Variants in ZNF830 observed in about 807,000 individuals in gnomAD.
ZNF830 encodes the protein zinc finger protein 830.
ZNF830 carries 15 observed loss-of-function variants against 28.1 expected under a neutral mutation model. The observed-to-expected ratio is 0.53, with a 90% confidence interval of 0.36 to 0.82. The LOEUF (loss-of-function observed/expected upper bound fraction) is 0.82. Among genes scored for constraint, ZNF830 ranks in the 40% least tolerant of loss-of-function variants. The pLI is 0.01. For missense variants in ZNF830, 456 were observed against 467.7 expected (o/e 0.97, Z 0.23); for synonymous variants, 208 against 185.3 (o/e 1.12, Z -0.99).
chr17:34,961,953 T>C lies in ZNF830; in HGVS notation c.387T>C (p.Ser129=). ...TGCCTCAGGTACAGCCCTCCACATC[T>C]GCGTGGACCACCAACTTTGACAAAA... ...TLVPQVQPST[S]AWTTNFDKIG... The change falls in exon 1 of 1, where the codon TCT becomes TCC. Residue 129 remains serine, a synonymous_variant. Coordinates refer to ENST00000361952, the MANE Select transcript of ZNF830 (RefSeq NM_052857.4). The C allele has an allele frequency of 6.2e-7, 1 of 1,614,160 alleles. No homozygotes were observed. The highest frequency in any genetic ancestry group is 1.1e-5 in the South Asian group (1 of 91,086).
chr17:34,962,216 C>G lies in ZNF830; in HGVS notation c.650C>G (p.Ala217Gly). The change falls in exon 1 of 1, where the codon GCC becomes GGC. Residue 217 changes from alanine to glycine, a missense_variant. Physicochemically the swap from Ala to Gly is moderately conservative, Grantham distance 60 (BLOSUM62 0). Around this residue, in one of 2 missense-constraint regions of ZNF830, gnomAD observed 331 missense variants for 290.1 expected, o/e 1.14. Transcript: ENST00000361952. ...NDFFSTNPPK[A>G]PIIPHSGSIE... ...TTCTTTAGTACTAATCCTCCCAAGG[C>G]CCCCATAATTCCTCATTCAGGGTCA... is the stretch of plus-strand genomic sequence containing the variant. The G allele has an allele frequency of 6.2e-7, 1 of 1,613,936 alleles. No individual in the cohort carries two copies. Among genetic ancestry groups the G allele is most frequent in the South Asian group, 1.1e-5 (1 of 91,080 alleles).
In ZNF830 at chr17:34,962,604, A is replaced by G. The variant is rs2090433306; in HGVS notation, c.1038A>G (p.Glu346=). Residue 346 remains glutamate (E), a synonymous_variant, in exon 1 of 1, where the codon GAA becomes GAG. Transcript: ENST00000361952. ...TAAAAGAACTGCAGAAAAAGGAAGA[A>G]GAGAATGCTGACAGCGATGATGAGG... ...LTIKELQKKE[E]ENADSDDEGE... 6.2e-7 allele frequency: 1 copy of G among 1,613,620 alleles called. No homozygotes were observed. The highest frequency in any genetic ancestry group is 8.5e-7 in the Non-Finnish European group (1 of 1,179,972).
Position 34,962,726 on chromosome 17 carries a change from T to A in ZNF830, c.*41T>A. The A allele has an allele frequency of 6.5e-7, 1 of 1,534,584 alleles. No individual in the cohort carries two copies. Among genetic ancestry groups the A allele is most frequent in the South Asian group, 1.3e-5 (1 of 75,068 alleles). On this transcript the variant is annotated 3_prime_UTR_variant, in exon 1 of 1. Transcript: ENST00000361952. Reference sequence around the variant, plus strand: ...AGGTTTCTAACAGCCTCTGCTGTTGTATAAAAAGTGCTGTCTCTCAGTAGT... The same window carrying A: ...AGGTTTCTAACAGCCTCTGCTGTTGAATAAAAAGTGCTGTCTCTCAGTAGT...
rs931196 is a variant in ZNF830 at position 34,961,863 on chromosome 17, T to G, written c.297T>G (p.His99Gln). The change falls in exon 1 of 1, where the codon CAT becomes CAG. Residue 99 changes from histidine (H) to glutamine (Q), a missense_variant. His to Gln is a conservative substitution (Grantham distance 24, BLOSUM62 0). Transcript: ENST00000361952. ...GTTCGTCCGCCAGTTCAGCGCCTCA[T>G]TCCGTCAAGAGGAAAGCGCCGGACG... Reference protein sequence around the residue: ...SQGSSASSAPHSVKRKAPDAD... With the variant: ...SQGSSASSAPQSVKRKAPDAD... 0.96 allele frequency: 1,550,452 copies of G among 1,613,946 alleles called. 747,673 individuals carry two copies. Among genetic ancestry groups the G allele is most frequent in the Non-Finnish European group, 0.98 (1,157,186 of 1,180,020 alleles).
chr17:34,962,413 C>A lies in ZNF830; in HGVS notation c.847C>A (p.Gln283Lys), dbSNP rs780113446. 2 of 1,613,986 alleles carry A rather than the reference C, an allele frequency of 1.2e-6. No homozygotes were observed. Among genetic ancestry groups the A allele is most frequent in the South Asian group, 2.2e-5 (2 of 91,086 alleles). Reference protein sequence around the residue: ...EWDEFQKAMRQVNTISEAIVA... With the variant: ...EWDEFQKAMRKVNTISEAIVA... ...GGACGAATTCCAAAAAGCCATGAGG[C>A]AGGTCAACACTATTTCCGAAGCCAT... The change falls in exon 1 of 1, where the codon CAG (glutamine) becomes AAG (lysine). Residue 283 changes from glutamine (Q) to lysine (K), a missense_variant. Around this residue, in one of 2 missense-constraint regions of ZNF830, gnomAD observed 125 missense variants for 177.7 expected, o/e 0.70. Coordinates refer to ENST00000361952, the MANE Select transcript of ZNF830 (RefSeq NM_052857.4).
rs1227665722 is a variant in ZNF830 at position 34,961,788 on chromosome 17, G to A, written c.222G>A (p.Gln74=). Residue 74 remains glutamine (Q), a synonymous_variant, in exon 1 of 1, where the codon CAG becomes CAA. Coordinates refer to ENST00000361952, the MANE Select transcript of ZNF830 (RefSeq NM_052857.4). ...LLWQTHVLGK[Q]HREKVAELKG... ...GGCAGACTCACGTCCTGGGAAAGCA[G>A]CACCGAGAGAAAGTGGCCGAGCTGA... is the stretch of plus-strand genomic sequence containing the variant. The A allele has an allele frequency of 6.2e-7, 1 of 1,614,052 alleles. No individual in the cohort carries two copies. Among genetic ancestry groups the A allele is most frequent in the South Asian group, 1.1e-5 (1 of 91,078 alleles).
At position 34,962,158 on chromosome 17, in the gene ZNF830, C is replaced by A; in HGVS notation, c.592C>A (p.Arg198=). The A allele has an allele frequency of 6.2e-7, 1 of 1,614,130 alleles. No homozygotes were observed. Among genetic ancestry groups the A allele is most frequent in the Non-Finnish European group, 8.5e-7 (1 of 1,180,034 alleles). The part of the protein sequence containing the change: ...QGKEHSVSSS[R]EVTSSVLPND... The stretch of plus-strand genomic sequence containing the variant: ...CAAGGAGCACTCAGTTTCCTCTTCA[C>A]GGGAGGTAACAAGTAGTGTGCTGCC... The change falls in exon 1 of 1, where the codon CGG becomes AGG. Residue 198 remains arginine (R), a synonymous_variant. Transcript: ENST00000361952.
chr17:34,962,478 G>C lies in ZNF830; in HGVS notation c.912G>C (p.Gln304His), dbSNP rs200903405. 2 of 1,614,232 alleles carry C rather than the reference G, an allele frequency of 1.2e-6. No homozygotes were observed. The highest frequency in any genetic ancestry group is 3.3e-5 in the Admixed American group (2 of 60,024). Residue 304 changes from glutamine (Q) to histidine (H), a missense_variant, in exon 1 of 1, where the codon CAG (glutamine) becomes CAC (histidine). By Grantham distance (24) the Gln-to-His change is conservative (BLOSUM62 0). Coordinates refer to ENST00000361952, the MANE Select transcript of ZNF830 (RefSeq NM_052857.4). ...EEDEEGRLDR[Q>H]IGEIDEQIEC... ...ATGAGGAGGGACGGTTGGACCGCCA[G>C]ATTGGGGAGATCGATGAGCAGATAG...
Position 34,962,536 on chromosome 17 carries a change from CG to C in ZNF830, c.971del (p.Arg324ProfsTer5). Reference protein sequence around the residue: ...CYRRVEKLRNRQDEIKNKLKE... With the variant: ...CYRRVEKLRNXQDEIKNKLKE... The stretch of plus-strand genomic sequence containing the variant: ...CCGACGGGTGGAAAAGCTACGGAAT[CG>C]CCAGGATGAAATAAAAAATAAACTT... On this transcript the variant is annotated frameshift_variant, in exon 1 of 1. Coordinates refer to ENST00000361952, the MANE Select transcript of ZNF830 (RefSeq NM_052857.4). LOFTEE classifies it high-confidence loss of function. 6.2e-7 allele frequency: 1 copy of C among 1,613,886 alleles called. No individual in the cohort carries two copies. The highest frequency in any genetic ancestry group is 8.5e-7 in the Non-Finnish European group (1 of 1,180,012).
rs527994591 is a variant in ZNF830, at chr17:34,962,049, TGAGGAGGAGGAG to T, written c.486_497del (p.Glu167_Glu170del). On this transcript the variant is annotated inframe_deletion, in exon 1 of 1. Coordinates refer to ENST00000361952, the MANE Select transcript of ZNF830 (RefSeq NM_052857.4). ...TCAGTTTACTCCCCGATTATGAAGATGAGGAGGAGGAGGAAGAGGAGGAGGAAGGAGATGGAG... is the reference window on the plus strand; with the variant it reads ...TCAGTTTACTCCCCGATTATGAAGATGAAGAGGAGGAGGAAGGAGATGGAG... 3.8e-4 allele frequency: 617 copies of T among 1,612,986 alleles called. 2 individuals are homozygous for T. The African/African-American group carries it at 7.0e-3, about 18-fold the overall frequency.
chr17:34,962,490 C>T lies in ZNF830; in HGVS notation c.924C>T (p.Ile308=), dbSNP rs934546293. 6 of 1,613,930 alleles carry T rather than the reference C, an allele frequency of 3.7e-6. No homozygotes were observed. The highest frequency in any genetic ancestry group is 3.4e-6 in the Non-Finnish European group (4 of 1,179,982). Residue 308 remains isoleucine, a synonymous_variant, in exon 1 of 1, where the codon ATC becomes ATT. Transcript: ENST00000361952. The stretch of plus-strand genomic sequence containing the variant: ...GGTTGGACCGCCAGATTGGGGAGAT[C>T]GATGAGCAGATAGAGTGTTACCGAC... The part of the protein sequence containing the change: ...EGRLDRQIGE[I]DEQIECYRRV...
chr17:34,962,577 C>G lies in ZNF830; in HGVS notation c.1011C>G (p.Thr337=), dbSNP rs747640705. ...EIKNKLKEIL[T]IKELQKKEEE... ...AAAATAAACTTAAAGAAATCCTGAC[C>G]ATAAAAGAACTGCAGAAAAAGGAAG... Residue 337 remains threonine, a synonymous_variant, in exon 1 of 1, where the codon ACC becomes ACG. Coordinates refer to ENST00000361952, the MANE Select transcript of ZNF830 (RefSeq NM_052857.4). 6.2e-7 allele frequency: 1 copy of G among 1,613,764 alleles called. No homozygotes were observed. The highest frequency in any genetic ancestry group is 1.1e-5 in the South Asian group (1 of 91,034).
At position 34,962,905 on chromosome 17, in the gene ZNF830, C is replaced by T. The variant is rs2090435788; in HGVS notation, c.*220C>T. 5 of 643,582 alleles carry T rather than the reference C, an allele frequency of 7.8e-6. No homozygotes were observed. The highest frequency in any genetic ancestry group is 2.3e-6 in the Non-Finnish European group (1 of 427,362). The allele number at this position is 643,582 out of a possible 1,614,324, so 39.9% of individuals were successfully genotyped here. ...TTTGAAATTTCTGAAGTGTTATATA[C>T]CAAAATGCCAACATTTCCACGACAG... On this transcript the variant is annotated 3_prime_UTR_variant, in exon 1 of 1. Coordinates refer to ENST00000361952, the MANE Select transcript of ZNF830 (RefSeq NM_052857.4).
In ZNF830 at chr17:34,962,578, A is replaced by G. The variant is rs200413263; in HGVS notation, c.1012A>G (p.Ile338Val). The change falls in exon 1 of 1, where the codon ATA becomes GTA. Residue 338 changes from isoleucine to valine, a missense_variant. Ile to Val is a conservative substitution (Grantham distance 29). Coordinates refer to ENST00000361952, the MANE Select transcript of ZNF830 (RefSeq NM_052857.4). ...AAATAAACTTAAAGAAATCCTGACCATAAAAGAACTGCAGAAAAAGGAAGA... is the reference window on the plus strand; with the variant it reads ...AAATAAACTTAAAGAAATCCTGACCGTAAAAGAACTGCAGAAAAAGGAAGA... Reference protein sequence around the residue: ...IKNKLKEILTIKELQKKEEEN... With the variant: ...IKNKLKEILTVKELQKKEEEN... 6.2e-7 allele frequency: 1 copy of G among 1,613,966 alleles called. No individual in the cohort carries two copies. The highest frequency in any genetic ancestry group is 2.2e-5 in the East Asian group (1 of 44,880).
At position 34,961,974 on chromosome 17, in the gene ZNF830, C is replaced by G; in HGVS notation, c.408C>G (p.Asp136Glu). 1 of 1,614,102 alleles carries G rather than the reference C, an allele frequency of 6.2e-7. No individual in the cohort carries two copies. The highest frequency in any genetic ancestry group is 8.5e-7 in the Non-Finnish European group (1 of 1,180,036). ...CATCTGCGTGGACCACCAACTTTGA[C>G]AAAATAGGAAAGGAGTTCATTAGAG... ...PSTSAWTTNF[D>E]KIGKEFIRAT... is the part of the protein sequence containing the mutation. The change falls in exon 1 of 1, where the codon GAC (aspartate) becomes GAG (glutamate). Residue 136 changes from aspartate to glutamate, a missense_variant. Physicochemically the swap from Asp to Glu is conservative, Grantham distance 45. This residue lies in a region of ZNF830 where 331 missense variants were observed against 290.1 expected (regional missense o/e 1.14). Transcript: ENST00000361952.
chr17:34,962,634 A>T lies in ZNF830; in HGVS notation c.1068A>T (p.Glu356Asp). ...ATGCTGACAGCGATGATGAGGGGGAACTACAGGATTTGTTGTCTCAGGATT... is the reference window on the plus strand; with the variant it reads ...ATGCTGACAGCGATGATGAGGGGGATCTACAGGATTTGTTGTCTCAGGATT... Reference protein sequence around the residue: ...EENADSDDEGELQDLLSQDWR... With the variant: ...EENADSDDEGDLQDLLSQDWR... Residue 356 changes from glutamate (E) to aspartate (D), a missense_variant, in exon 1 of 1, where the codon GAA (glutamate) becomes GAT (aspartate). Around this residue, in one of 2 missense-constraint regions of ZNF830, gnomAD observed 125 missense variants for 177.7 expected, o/e 0.70. Coordinates refer to ENST00000361952, the MANE Select transcript of ZNF830 (RefSeq NM_052857.4). The T allele has an allele frequency of 6.2e-7, 1 of 1,611,914 alleles. No individual in the cohort carries two copies. The highest frequency in any genetic ancestry group is 8.5e-7 in the Non-Finnish European group (1 of 1,179,320).
Position 34,962,597 on chromosome 17 carries a change from A to G in ZNF830, c.1031A>G (p.Lys344Arg), listed in dbSNP as rs1050917119. ...EILTIKELQKKEEENADSDDE... is the reference protein window; with the variant it reads ...EILTIKELQKREEENADSDDE... Reference sequence around the variant, plus strand: ...CTGACCATAAAAGAACTGCAGAAAAAGGAAGAAGAGAATGCTGACAGCGAT... The same window carrying G: ...CTGACCATAAAAGAACTGCAGAAAAGGGAAGAAGAGAATGCTGACAGCGAT... The change falls in exon 1 of 1, where the codon AAG (lysine) becomes AGG (arginine). Residue 344 changes from lysine to arginine, a missense_variant. Lys to Arg is a conservative substitution (Grantham distance 26). Coordinates refer to ENST00000361952, the MANE Select transcript of ZNF830 (RefSeq NM_052857.4). The G allele has an allele frequency of 1.2e-6, 2 of 1,613,610 alleles. No individual in the cohort carries two copies. Among genetic ancestry groups the G allele is most frequent in the Non-Finnish European group, 1.7e-6 (2 of 1,179,930 alleles).
rs769797972 is a variant in ZNF830, at chr17:34,962,286, A to G, written c.720A>G (p.Glu240=). 3.1e-6 allele frequency: 5 copies of G among 1,613,912 alleles called. No individual in the cohort carries two copies. The Admixed American group carries it at 6.7e-5, about 22-fold the overall frequency. Residue 240 remains glutamate, a synonymous_variant, in exon 1 of 1, where the codon GAA becomes GAG. Transcript: ENST00000361952. ...EIHEKVVERR[E]NTAEALPEGF... ...ATGAAAAAGTGGTGGAAAGGAGAGA[A>G]AACACCGCGGAAGCGTTACCGGAAG...
chr17:34,962,312 G>GT lies in ZNF830; in HGVS notation c.753dup (p.Asp252Ter), dbSNP rs749765261. Reference sequence around the variant, plus strand: ...AACACCGCGGAAGCGTTACCGGAAGGTTTTTTTGACGACCCTGAGGTAGAT... The same window carrying GT: ...AACACCGCGGAAGCGTTACCGGAAGGTTTTTTTTGACGACCCTGAGGTAGAT... On this transcript the variant is annotated frameshift_variant, in exon 1 of 1. Transcript: ENST00000361952. LOFTEE classifies it high-confidence loss of function. 14 of 1,613,910 alleles carry GT rather than the reference G, an allele frequency of 8.7e-6. No homozygotes were observed. Among genetic ancestry groups the GT allele is most frequent in the East Asian group, 4.5e-5 (2 of 44,896 alleles).
Sources: allele counts gnomAD v4.1 joint callset, GRCh38; gene constraint gnomAD v4.1.1; regional missense constraint gnomAD v4.1.1; transcripts MANE v1.5; gene names NCBI Gene and HGNC (gene_info 2026-07-23, HGNC 2026-07-21).